GABRB1: variants seen among roughly 807,000 people sequenced by gnomAD.
GABRB1 encodes gamma-aminobutyric acid type A receptor subunit beta1.
A neutral mutation model predicts 51.6 loss-of-function variants in GABRB1; 17 were observed. The observed-to-expected ratio is 0.33, with a 90% CI of 0.23 to 0.49. The LOEUF (loss-of-function observed/expected upper bound fraction) is 0.49. Ranked by LOEUF, GABRB1 falls within the 20% of genes least tolerant of loss-of-function variation. The pLI, the probability that GABRB1 is intolerant of heterozygous loss-of-function variation, is 0.99. For missense variants in GABRB1, 410 were observed against 600.6 expected, an observed-to-expected ratio of 0.68 and a Z score of 3.32; for synonymous variants, 247 against 218.9, an observed-to-expected ratio of 1.13 and a Z score of -1.14.
At chr4:47,248,197 C>A (rs1332489447) in intron 4 of GABRB1, among the ~76,000 whole-genome samples, 10 of 151,926 alleles carry the variant, frequency 6.6e-5, no homozygotes, top group Non-Finnish European at 2.9e-5. Context: ...CCCTTGTATG[C>A]CAATTTTGCT....
intron 4 of GABRB1, among the ~76,000 whole-genome samples, chr4:47,220,901 G>A (rs1272216343): frequency 2.0e-5 from 3 of 151,794 alleles, no homozygotes; most frequent in Admixed American, 6.6e-5. Context: ...TCAAAGCATC[G>A]CTCTAATTAG....
intron 5 of GABRB1, among the ~76,000 whole-genome samples, chr4:47,380,281 C>T (rs1458078429): frequency 2.0e-5 from 3 of 152,182 alleles, no homozygotes; most frequent in Non-Finnish European, 4.4e-5. Flanking sequence ...AAAAGATAAT[C>T]TTCGACAGGG....
chr4:47,001,594 G>A (rs967342798), intron 1 of GABRB1, among the ~76,000 whole-genome samples: 1 of 152,182 alleles, frequency 6.6e-6, no homozygotes, highest in Non-Finnish European at 1.5e-5. Context: ...TGACCTCCCA[G>A]AAGAGGGAAT....
At chr4:47,188,651 T>C (rs1464052793) in intron 4 of GABRB1, among the ~76,000 whole-genome samples, 1 of 152,010 alleles carries the variant, frequency 6.6e-6, no homozygotes, top group South Asian at 2.1e-4. Flanking sequence ...GTGACATTGA[T>C]GATGAGTCTA....
At chr4:47,403,858 T>A in intron 7 of GABRB1, 147 bp downstream of exon 7, 1 of 732,520 alleles carries the variant, frequency 1.4e-6, no homozygotes, top group Non-Finnish European at 2.2e-6. Context: ...CATCTAAATG[T>A]AAGAATGTCC....
chr4:47,182,102 T>C (rs1042301661), intron 4 of GABRB1, among the ~76,000 whole-genome samples: 4 of 151,788 alleles, frequency 2.6e-5, no homozygotes, highest in African/African-American at 9.7e-5. Flanking sequence ...TTAGATTCTA[T>C]GACTAGAGGC....
chr4:47,042,072 T>C (rs1308661481), intron 3 of GABRB1, among the ~76,000 whole-genome samples: 1 of 152,032 alleles, frequency 6.6e-6, no homozygotes, highest in Non-Finnish European at 1.5e-5. Context: ...CCCCCTACTA[T>C]GTAAGCTTTA....
At chr4:47,169,456 T>C (rs1718347635) in intron 4 of GABRB1, among the ~76,000 whole-genome samples, 2 of 152,140 alleles carry the variant, frequency 1.3e-5, no homozygotes, top group Non-Finnish European at 2.9e-5. Context: ...CCAACCACTC[T>C]GTACCTTACA....
intron 4 of GABRB1, among the ~76,000 whole-genome samples, chr4:47,260,762 A>G (rs1005303444): frequency 1.5e-4 from 23 of 152,144 alleles, no homozygotes; most frequent in African/African-American, 5.3e-4. Context: ...AGAATTTTAG[A>G]CCAATATCCT....
At chr4:47,007,227 CATT>C (rs779285224) in intron 1 of GABRB1, among the ~76,000 whole-genome samples, 18 of 152,066 alleles carry the variant, frequency 1.2e-4, no homozygotes, top group African/African-American at 1.9e-4. Flanking sequence ...CATCATTTGT[CATT>C]ATATTAATAT....
intron 4 of GABRB1, among the ~76,000 whole-genome samples, chr4:47,175,895 C>T (rs1192832412): frequency 6.6e-6 from 1 of 152,034 alleles, no homozygotes; most frequent in Non-Finnish European, 1.5e-5. Context: ...TTTAAATATT[C>T]AAGGTGGTAG....
chr4:47,118,587 T>C (rs1294163755), intron 3 of GABRB1, among the ~76,000 whole-genome samples: 1 of 152,172 alleles, frequency 6.6e-6, no homozygotes, highest in Non-Finnish European at 1.5e-5. Flanking sequence ...AATTCCATAA[T>C]TGACTCTTGG....
upstream of GABRB1, among the ~76,000 whole-genome samples, chr4:47,030,723 G>A (rs1469988620): frequency 1.3e-5 from 2 of 152,152 alleles, no homozygotes; most frequent in African/African-American, 4.8e-5. Context: ...CAACCTACTG[G>A]CGAACAGAGG....
chr4:47,306,830 A>G (rs1724489930), intron 4 of GABRB1, among the ~76,000 whole-genome samples: 1 of 152,124 alleles, frequency 6.6e-6, no homozygotes, highest in South Asian at 2.1e-4. Context: ...TAAATGCTGT[A>G]AAGTAATCCA....
chr4:47,423,430 C>T (rs80158115), intron 8 of GABRB1, among the ~76,000 whole-genome samples: 3,860 of 152,294 alleles, frequency 0.025, 156 homozygotes, highest in African/African-American at 0.085. Context: ...TGGCTCTACT[C>T]AGCCATGCTT....
chr4:47,062,243 C>T (rs764570735), intron 3 of GABRB1, among the ~76,000 whole-genome samples: 13 of 151,562 alleles, frequency 8.6e-5, no homozygotes, highest in Non-Finnish European at 1.6e-4. Context: ...TTTTTTAGTC[C>T]CAAGCTATTC....
intron 8 of GABRB1, among the ~76,000 whole-genome samples, chr4:47,419,059 T>C (rs1479912937): frequency 6.6e-6 from 1 of 152,330 alleles, no homozygotes; most frequent in East Asian, 1.9e-4. Flanking sequence ...TGTTACCTGA[T>C]TTTTTTAAAA....
intron 4 of GABRB1, among the ~76,000 whole-genome samples, chr4:47,267,860 GA>G (rs567956902): frequency 2.6e-4 from 39 of 150,976 alleles, no homozygotes; most frequent in African/African-American, 9.5e-4. Flanking sequence ...TAATAGATTG[GA>G]AAAAAAAAGT....
chr4:47,171,279 A>G (rs1442858671), intron 4 of GABRB1, among the ~76,000 whole-genome samples: 2 of 152,040 alleles, frequency 1.3e-5, no homozygotes, highest in Non-Finnish European at 2.9e-5. Context: ...TCAAAAAAAA[A>G]AGAAAAGACT....
Sources: gnomAD v4.1 joint callset for allele counts (sites outside exome capture counted in the v4.1 genomes callset) on GRCh38, gnomAD v4.1.1 for gene constraint, MANE v1.5 for transcripts, NCBI Gene and HGNC (gene_info 2026-07-23, HGNC 2026-07-21) for gene names.